The following SEZ6L variants were observed in gnomAD, a reference collection of about 807,000 sequenced individuals.
The protein encoded by SEZ6L is seizure related 6 homolog like.
Under a neutral mutation model 106.2 loss-of-function variants are expected in SEZ6L, and 37 were observed. That is an observed-to-expected ratio of 0.35 (90% CI 0.27 to 0.46). The LOEUF is 0.46. Ranked by LOEUF, SEZ6L falls within the 20% of genes least tolerant of loss-of-function variation. SEZ6L has a pLI of 1.00. For missense variants in SEZ6L, 1,172 were observed against 1,332.8 expected (o/e 0.88, Z 1.88); for synonymous variants, 541 against 570.4 (o/e 0.95, Z 0.73).
chr22:26,365,704 T>C, intron 13 of SEZ6L, 138 bp downstream of exon 13: 6 of 665,808 alleles, frequency 9.0e-6, no homozygotes, highest in South Asian at 5.1e-5. Flanking sequence ...GAGACCCCCA[T>C]CTCTACCAAA....
intron 1 of SEZ6L, among the ~76,000 whole-genome samples, chr22:26,247,473 G>A (rs1333893071): frequency 6.6e-6 from 1 of 152,148 alleles, no homozygotes; most frequent in Non-Finnish European, 1.5e-5. Context: ...TCCTAAGAAG[G>A]TCATGTGGAA....
intron 1 of SEZ6L, among the ~76,000 whole-genome samples, chr22:26,238,081 G>A (rs1289433617): frequency 6.6e-6 from 1 of 152,198 alleles, no homozygotes; most frequent in Admixed American, 6.5e-5. Flanking sequence ...ATATCCCAGG[G>A]CAGTGGATGA....
intron 1 of SEZ6L, among the ~76,000 whole-genome samples, chr22:26,215,203 TTA>T (rs2078266598): frequency 1.3e-5 from 2 of 152,250 alleles, no homozygotes; most frequent in Admixed American, 6.5e-5. Flanking sequence ...ATTGTAGAGT[TTA>T]TGTTTGTCCT....
chr22:26,219,890 C>T (rs2078412929), intron 1 of SEZ6L, among the ~76,000 whole-genome samples: 1 of 152,142 alleles, frequency 6.6e-6, no homozygotes, highest in Non-Finnish European at 1.5e-5. Flanking sequence ...AACAAACCAC[C>T]ATGGGACACG....
chr22:26,326,704 C>G (rs763438443), intron 9 of SEZ6L, among the ~76,000 whole-genome samples: 5 of 152,208 alleles, frequency 3.3e-5, no homozygotes, highest in Non-Finnish European at 5.9e-5. Context: ...CAGCCAGCCT[C>G]CCTTGAGAGC....
chr22:26,187,833 A>G (rs958227969), intron 1 of SEZ6L, among the ~76,000 whole-genome samples: 3 of 152,226 alleles, frequency 2.0e-5, no homozygotes, highest in Non-Finnish European at 4.4e-5. Context: ...TAGCTGAACT[A>G]TAAAAATGTG....
rs1323253005 is a variant in SEZ6L, at chr22:26,357,024, C to T, written c.2599+5781C>T. On this transcript the variant is annotated intron_variant, in intron 12 of 16. Transcript: ENST00000248933. ...CGATGTGCAGTGGCGCAATCTTAGC[C>T]CACTGCAAGCTCCACCTCCCGGGTT... Among the ~76,000 whole-genome samples, 4 of 151,742 alleles carry T rather than the reference C, an allele frequency of 2.6e-5. No individual in the cohort carries two copies. In the South Asian group the frequency reaches 6.3e-4, roughly 24 times the overall value.
intron 4 of SEZ6L, 68 bp downstream of exon 4, chr22:26,297,148 T>TA (rs1183771946): frequency 1.5e-6 from 2 of 1,364,052 alleles, no homozygotes; most frequent in African/African-American, 1.5e-5. Flanking sequence ...AAAAGGATTT[T>TA]AAAACTTTTT....
intron 6 of SEZ6L, 145 bp from the exon 7 acceptor site, chr22:26,310,525 A>G: frequency 5.8e-6 from 5 of 864,674 alleles, no homozygotes; most frequent in Non-Finnish European, 8.7e-6. Flanking sequence ...AACAAGAGTG[A>G]AACTCTGTCA....
At chr22:26,343,513 C>T (rs138405608) in intron 10 of SEZ6L, among the ~76,000 whole-genome samples, 1,680 of 152,292 alleles carry the variant, frequency 0.011, 16 homozygotes, top group Middle Eastern at 0.027. Context: ...TTTTATTTCA[C>T]ATCTTCAAAT....
At chr22:26,267,551 G>A (rs2145832205) in intron 1 of SEZ6L, among the ~76,000 whole-genome samples, 1 of 152,210 alleles carries the variant, frequency 6.6e-6, no homozygotes, top group Non-Finnish European at 1.5e-5. Flanking sequence ...GGAGTAGGGG[G>A]GAAATTCATT....
At chr22:26,221,416 G>T (rs2078466187) in intron 1 of SEZ6L, among the ~76,000 whole-genome samples, 1 of 152,112 alleles carries the variant, frequency 6.6e-6, no homozygotes, top group Non-Finnish European at 1.5e-5. Flanking sequence ...AAACTAGCTG[G>T]CAGAATTTTG....
chr22:26,290,448 C>T (rs1047315431), intron 1 of SEZ6L, among the ~76,000 whole-genome samples: 2 of 152,150 alleles, frequency 1.3e-5, no homozygotes, highest in South Asian at 2.1e-4. Context: ...AGGAGAATGG[C>T]GTGAACCCGG....
intron 9 of SEZ6L, among the ~76,000 whole-genome samples, chr22:26,330,281 C>T (rs1485215347): frequency 6.6e-6 from 1 of 152,100 alleles, no homozygotes; most frequent in Non-Finnish European, 1.5e-5. Flanking sequence ...TGAGCTTAAG[C>T]GTGTTTCCTC....
chr22:26,208,105 C>CG (rs1198425770), intron 1 of SEZ6L, among the ~76,000 whole-genome samples: 1 of 151,600 alleles, frequency 6.6e-6, no homozygotes, highest in Non-Finnish European at 1.5e-5. Context: ...TTAGTAGAGA[C>CG]GGGGTTTCAC....
intron 11 of SEZ6L, among the ~76,000 whole-genome samples, chr22:26,350,817 A>C (rs1396083760): frequency 4.7e-5 from 7 of 150,166 alleles, no homozygotes; most frequent in African/African-American, 9.7e-5. Flanking sequence ...CCACCAGGCC[A>C]GGCTAATTTT....
intron 9 of SEZ6L, among the ~76,000 whole-genome samples, chr22:26,331,067 C>G (rs531308793): frequency 6.6e-6 from 1 of 152,314 alleles, no homozygotes; most frequent in Admixed American, 6.5e-5. Context: ...AATATTGACT[C>G]TAGCTCAATA....
rs1364251792 is a variant in SEZ6L, at chr22:26,381,922, C to T, written c.*1627C>T. 1.7e-5 allele frequency: 8 copies of T among 476,234 alleles called. No homozygotes were observed. The highest frequency in any genetic ancestry group is 3.3e-5 in the Non-Finnish European group (8 of 239,004). 29.5% of individuals were successfully genotyped at this position (476,234 alleles called of 1,614,324 possible). A position where few individuals can be genotyped will look rare whatever the true frequency, so the allele number is the denominator to read the frequency against. On this transcript the variant is annotated 3_prime_UTR_variant, in exon 17 of 17. Coordinates refer to ENST00000248933, the MANE Select transcript of SEZ6L (RefSeq NM_021115.5). ...TTCAAACAAGAAAAGACCTTTCTGG[C>T]CATAGGGAGAATAGCAGGGAGTCTA...
In SEZ6L at chr22:26,310,685, C is replaced by A. The variant is rs147328329; in HGVS notation, c.1530C>A (p.Ser510Arg). 3.1e-6 allele frequency: 5 copies of A among 1,613,972 alleles called. No individual in the cohort carries two copies. Among genetic ancestry groups the A allele is most frequent in the Non-Finnish European group, 4.2e-6 (5 of 1,180,004 alleles). Reference sequence around the variant, plus strand: ...CCACTGCCAGGATGACGGTTCACAGCGGGCAGACCAACAAGTCAGCTCTTC... The same window carrying A: ...CCACTGCCAGGATGACGGTTCACAGAGGGCAGACCAACAAGTCAGCTCTTC... ...LHDKDRMTVH[S>R]GQTNKSALLY... Residue 510 changes from serine (S) to arginine (R), a missense_variant, in exon 7 of 17, where the codon AGC becomes AGA. Physicochemically the swap from Ser to Arg is moderately radical, Grantham distance 110. Coordinates refer to ENST00000248933, the MANE Select transcript of SEZ6L (RefSeq NM_021115.5).
Sources: allele counts gnomAD v4.1 joint callset (sites outside exome capture counted in the v4.1 genomes callset), GRCh38; gene constraint gnomAD v4.1.1; transcripts MANE v1.5; gene names NCBI Gene and HGNC (gene_info 2026-07-23, HGNC 2026-07-21).